SUV39H2: variants seen among roughly 807,000 people sequenced by gnomAD.
SUV39H2 encodes the protein histone-lysine N-methyltransferase SUV39H2.
Under a neutral mutation model 47.5 loss-of-function variants are expected in SUV39H2, and 10 were observed. The ratio of observed to expected loss-of-function variants is 0.21; its 90% CI spans 0.13 to 0.36. The LOEUF (loss-of-function observed/expected upper bound fraction) is 0.36, where lower values mean the gene tolerates loss of function less well. Among genes scored for constraint, SUV39H2 ranks in the 10% least tolerant of loss-of-function variants. The pLI, the probability that SUV39H2 is intolerant of heterozygous loss-of-function variation, is 1.00. For missense variants in SUV39H2, 266 were observed against 487.4 expected (o/e 0.55, Z 4.28); for synonymous variants, 159 against 166.8 (o/e 0.95, Z 0.36).
chr10:14,900,620 C>T (rs543807817), intron 4 of SUV39H2, among the ~76,000 whole-genome samples: 1 of 152,244 alleles, frequency 6.6e-6, no homozygotes, highest in East Asian at 1.9e-4. Context: ...TTTTTTCTTG[C>T]ATATTCCGTA....
At position 14,897,227 on chromosome 10, in the gene SUV39H2, G is replaced by A; in HGVS notation, c.559G>A (p.Ala187Thr). The A allele has an allele frequency of 1.2e-6, 2 of 1,613,856 alleles. No homozygotes were observed. The highest frequency in any genetic ancestry group is 1.7e-6 in the Non-Finnish European group (2 of 1,180,032). Reference sequence around the variant, plus strand: ...TCCTGGAATCAGCTTAGTCAATGAAGCTACCTTTGGTTGTTCATGCACAGA... The same window carrying A: ...TCCTGGAATCAGCTTAGTCAATGAAACTACCTTTGGTTGTTCATGCACAGA... Reference protein sequence around the residue: ...PAPGISLVNEATFGCSCTDCF... With the variant: ...PAPGISLVNETTFGCSCTDCF... Residue 187 changes from alanine (A) to threonine (T), a missense_variant, in exon 3 of 6, where the codon GCT becomes ACT. By Grantham distance (58) the Ala-to-Thr change is moderately conservative. Coordinates refer to ENST00000354919, the MANE Select transcript of SUV39H2 (RefSeq NM_001193424.2).
chr10:14,894,362 T>G (rs200730173), intron 2 of SUV39H2, among the ~76,000 whole-genome samples: 7 of 49,932 alleles, frequency 1.4e-4, no homozygotes, highest in East Asian at 6.8e-4. Context: ...AAAGTTTTTT[T>G]TTTTTTTTTT....
chr10:14,881,189 C>A (rs1833031165), intron 1 of SUV39H2, among the ~76,000 whole-genome samples: 1 of 152,084 alleles, frequency 6.6e-6, no homozygotes, highest in South Asian at 2.1e-4. Context: ...TCTCTGTTGA[C>A]CTGCATCTGT....
In SUV39H2 at chr10:14,903,338, G is replaced by A. The variant is rs1834146198; in HGVS notation, c.*826G>A. ...GGGCGCCTGTTAGTAACATGAATTG[G>A]AAATCTGTGTCGAGTACCTCTGATC... On this transcript the variant is annotated 3_prime_UTR_variant, in exon 6 of 6. Coordinates refer to ENST00000354919, the MANE Select transcript of SUV39H2 (RefSeq NM_001193424.2). The A allele has an allele frequency of 6.6e-6, 1 of 152,150 alleles. No individual in the cohort carries two copies. Among genetic ancestry groups the A allele is most frequent in the Non-Finnish European group, 1.5e-5 (1 of 68,040 alleles). 9.4% of individuals were successfully genotyped at this position (152,150 alleles called of 1,614,324 possible).
chr10:14,892,841 G>T (rs1208391111), intron 2 of SUV39H2, among the ~76,000 whole-genome samples: 8 of 150,212 alleles, frequency 5.3e-5, no homozygotes, highest in African/African-American at 1.7e-4. Flanking sequence ...TGGAGACGGG[G>T]TCTCGCGCTG....
In SUV39H2 at chr10:14,899,467, TTAG is replaced by T. The variant is rs546943726; in HGVS notation, c.850-68_850-66del. ...TTAAATATTTGTAGGTATTCGCATA[TTAG>T]TAGATAGGTAGATGAATGCTTCTTT... On this transcript the variant is annotated intron_variant, in intron 3 of 5. Transcript: ENST00000354919. The T allele has an allele frequency of 1.1e-4, 162 of 1,509,724 alleles. No individual in the cohort carries two copies. The African/African-American group carries it at 1.9e-3, about 18-fold the overall frequency. 93.5% of individuals were successfully genotyped at this position (1,509,724 alleles called of 1,614,324 possible). A position where few individuals can be genotyped will look rare whatever the true frequency, so the allele number is the denominator to read the frequency against.
At chr10:14,881,435 T>C in intron 1 of SUV39H2, 65 bp from the exon 2 acceptor site, 1 of 1,284,970 alleles carries the variant, frequency 7.8e-7, no homozygotes, top group Non-Finnish European at 1.0e-6. Context: ...AGGTTTTAAG[T>C]TTCTCTTTTT....
chr10:14,893,207 G>A (rs1038787079), intron 2 of SUV39H2, among the ~76,000 whole-genome samples: 10 of 151,460 alleles, frequency 6.6e-5, no homozygotes, highest in Non-Finnish European at 1.5e-4. Context: ...GTTTCACCGT[G>A]TTAGCCAGGA....
At chr10:14,882,972 A>G (rs182910058) in intron 2 of SUV39H2, among the ~76,000 whole-genome samples, 1 of 151,148 alleles carries the variant, frequency 6.6e-6, no homozygotes, top group East Asian at 2.0e-4. Flanking sequence ...GGTTCCAGCG[A>G]TTCTCCTGTC....
At chr10:14,885,447 C>G (rs1833177104) in intron 2 of SUV39H2, among the ~76,000 whole-genome samples, 1 of 152,188 alleles carries the variant, frequency 6.6e-6, no homozygotes, top group Admixed American at 6.5e-5. Flanking sequence ...CTTTCCTGTT[C>G]ATTCCTGCTG....
chr10:14,887,493 T>C (rs1833250138), intron 2 of SUV39H2, among the ~76,000 whole-genome samples: 1 of 152,212 alleles, frequency 6.6e-6, no homozygotes, highest in African/African-American at 2.4e-5. Context: ...AAATGTACTT[T>C]CTTGAAGACA....
intron 2 of SUV39H2, among the ~76,000 whole-genome samples, chr10:14,895,183 T>A (rs1184495279): frequency 3.3e-5 from 5 of 150,196 alleles, no homozygotes; most frequent in Non-Finnish European, 7.4e-5. Context: ...TACTTTTATT[T>A]TTTTTTTTTT....
intron 2 of SUV39H2, 130 bp downstream of exon 2, chr10:14,881,775 A>G (rs1242358072): frequency 1.8e-5 from 15 of 812,606 alleles, no homozygotes; most frequent in South Asian, 3.3e-5. Context: ...TGATAAATTT[A>G]TATGTCCTAT....
Position 14,903,555 on chromosome 10 carries a change from A to T in SUV39H2, c.*1043A>T, listed in dbSNP as rs1834160743. On this transcript the variant is annotated 3_prime_UTR_variant, in exon 6 of 6. Transcript: ENST00000354919. ...GAACTGATACTTGTTTTATACATAA[A>T]TTTTTTTTAGATGTGATAAAGCTAA... 6.6e-6 allele frequency: 1 copy of T among 152,050 alleles called. No homozygotes were observed. Among genetic ancestry groups the T allele is most frequent in the Non-Finnish European group, 1.5e-5 (1 of 68,004 alleles). The allele number at this position is 152,050 out of a possible 1,614,324, so 9.4% of individuals were successfully genotyped here. A position where few individuals can be genotyped will look rare whatever the true frequency, so the allele number is the denominator to read the frequency against.
chr10:14,892,782 T>A (rs997722537), intron 2 of SUV39H2, among the ~76,000 whole-genome samples: 1 of 151,996 alleles, frequency 6.6e-6, no homozygotes, highest in African/African-American at 2.4e-5. Context: ...TTTGAATGAC[T>A]TTAACTGACA....
At chr10:14,893,494 G>A (rs1318811018) in intron 2 of SUV39H2, among the ~76,000 whole-genome samples, 1 of 152,170 alleles carries the variant, frequency 6.6e-6, no homozygotes, top group Non-Finnish European at 1.5e-5. Context: ...GTAATCAAGA[G>A]TTGATTACAT....
intron 2 of SUV39H2, among the ~76,000 whole-genome samples, chr10:14,888,190 T>C (rs1213820250): frequency 6.6e-6 from 1 of 151,920 alleles, no homozygotes; most frequent in Admixed American, 6.6e-5. Flanking sequence ...CCTGAATGGG[T>C]TGAGGGTGGC....
chr10:14,890,257 T>G (rs1397192950), intron 2 of SUV39H2, among the ~76,000 whole-genome samples: 1 of 152,256 alleles, frequency 6.6e-6, no homozygotes, highest in East Asian at 1.9e-4. Context: ...TGTGGCTCAC[T>G]TTTTTCAATT....
chr10:14,880,109 A>G (rs970878439), intron 1 of SUV39H2: 1 of 152,112 alleles, frequency 6.6e-6, no homozygotes, highest in African/African-American at 2.4e-5. Flanking sequence ...TGTAGATGGA[A>G]GGGACTTAGG....
Sources: gnomAD v4.1 joint callset for allele counts (sites outside exome capture counted in the v4.1 genomes callset) on GRCh38, gnomAD v4.1.1 for gene constraint, MANE v1.5 for transcripts, NCBI Gene and HGNC (gene_info 2026-07-23, HGNC 2026-07-21) for gene names.